DZIP1: variants seen among roughly 807,000 people sequenced by gnomAD.
The protein encoded by DZIP1 is cilium assembly protein DZIP1.
A neutral mutation model predicts 107.6 loss-of-function variants in DZIP1; 97 were observed. The ratio of observed to expected loss-of-function variants is 0.90; its 90% CI spans 0.77 to 1.07. The LOEUF is 1.07. Ranked by LOEUF, DZIP1 falls within the 50% of genes least tolerant of loss-of-function variation. The probability of loss-of-function intolerance (pLI) is 0.00; values close to 1 mark genes in which losing one functional copy is unlikely to be tolerated. For synonymous variants in DZIP1, 390 were observed against 386.4 expected, an observed-to-expected ratio of 1.01 and a Z score of -0.11; for missense variants, 1,035 against 1,063.6, an observed-to-expected ratio of 0.97 and a Z score of 0.37.
In DZIP1 at chr13:95,642,101, G is replaced by T. The variant is rs1360416112; in HGVS notation, c.-72C>A. ...CGCCGCCGCCACAGCCCTCAGGAGC[G>T]GGAGAAGGCCGGGTTCCTCGCTTCC... On this transcript the variant is annotated 5_prime_UTR_variant, in exon 4 of 23. Coordinates refer to ENST00000376829, the MANE Select transcript of DZIP1 (RefSeq NM_198968.4). 3 of 1,442,678 alleles carry T rather than the reference G, an allele frequency of 2.1e-6. No homozygotes were observed. Among genetic ancestry groups the T allele is most frequent in the Non-Finnish European group, 2.7e-6 (3 of 1,105,744 alleles). 89.4% of individuals were successfully genotyped at this position (1,442,678 alleles called of 1,614,324 possible). A position where few individuals can be genotyped will look rare whatever the true frequency, so the allele number is the denominator to read the frequency against.
chr13:95,608,158 T>C (rs2044842284), intron 13 of DZIP1, among the ~76,000 whole-genome samples: 1 of 152,216 alleles, frequency 6.6e-6, no homozygotes, highest in East Asian at 1.9e-4. Flanking sequence ...GCTATGGGCC[T>C]ATTTTTTTAA....
rs1462432838 is a variant in DZIP1 at position 95,633,287 on chromosome 13, G to A, written c.632C>T (p.Ala211Val). 6.2e-7 allele frequency: 1 copy of A among 1,614,050 alleles called. No individual in the cohort carries two copies. Among genetic ancestry groups the A allele is most frequent in the Admixed American group, 1.7e-5 (1 of 59,992 alleles). ...GCGTTGAATGTGACTTTGTAGAAAA[G>A]CTTGGTTCATAAAGGCCTTGTCACA... The part of the protein sequence containing the change: ...HFCDKAFMNQ[A>V]FLQSHIQRRH... The change falls in exon 6 of 23, where the codon GCT (alanine) becomes GTT (valine). Residue 211 changes from alanine to valine, a missense_variant. By Grantham distance (64) the Ala-to-Val change is moderately conservative. Coordinates refer to ENST00000376829, the MANE Select transcript of DZIP1 (RefSeq NM_198968.4).
chr13:95,597,667 T>C (rs540530419), intron 15 of DZIP1, among the ~76,000 whole-genome samples: 2 of 152,324 alleles, frequency 1.3e-5, no homozygotes, highest in South Asian at 4.1e-4. Context: ...TAGCCAGTGA[T>C]GGCGGCTCAG....
intron 22 of DZIP1, 56 bp downstream of exon 22, chr13:95,584,680 A>G (rs1180785096): frequency 2.6e-6 from 4 of 1,554,172 alleles, no homozygotes; most frequent in Non-Finnish European, 3.5e-6. Context: ...TATAAAGATG[A>G]AACACAACTA....
At chr13:95,607,643 C>T (rs1483288176) in intron 13 of DZIP1, among the ~76,000 whole-genome samples, 1 of 151,958 alleles carries the variant, frequency 6.6e-6, no homozygotes, top group Admixed American at 6.6e-5. Flanking sequence ...GCCTGTGAAG[C>T]CTAATGTAAA....
Position 95,581,457 on chromosome 13 carries a change from A to G in DZIP1, c.*777T>C, listed in dbSNP as rs1185462048. 1.3e-5 allele frequency: 2 copies of G among 152,484 alleles called. No individual in the cohort carries two copies. Among genetic ancestry groups the G allele is most frequent in the Non-Finnish European group, 2.9e-5 (2 of 68,048 alleles). The allele number at this position is 152,484 out of a possible 1,614,324, so 9.4% of individuals were successfully genotyped here. A position where few individuals can be genotyped will look rare whatever the true frequency, so the allele number is the denominator to read the frequency against. ...TTTATTCATAAAATATCCAAGATAA[A>G]GAATATGCTATATAAAATAACCAAC... is the stretch of plus-strand genomic sequence containing the variant. On this transcript the variant is annotated 3_prime_UTR_variant, in exon 23 of 23. Coordinates refer to ENST00000376829, the MANE Select transcript of DZIP1 (RefSeq NM_198968.4).
intron 13 of DZIP1, among the ~76,000 whole-genome samples, chr13:95,608,736 T>C (rs951601723): frequency 6.6e-6 from 1 of 152,138 alleles, no homozygotes; most frequent in Non-Finnish European, 1.5e-5. Context: ...CAGCCAATAG[T>C]GCCAAATTCC....
Position 95,603,306 on chromosome 13 carries a change from CAAAAAAAAAAAAAAAAAAA to C in DZIP1, c.1477+2678_1477+2696del, listed in dbSNP as rs34995131. 5.4e-4 allele frequency among the ~76,000 whole-genome samples: 26 copies of C among 47,966 alleles called. 1 individual carries two copies. The highest frequency in any genetic ancestry group is 4.4e-3 in the Admixed American group (12 of 2,756). The allele number at this position is 47,966 out of a possible 152,430, so 31.5% of individuals were successfully genotyped here. ...TGGGCGACAGAGAAATGCCCAGTCTCAAAAAAAAAAAAAAAAAAAAAAAAAAAAAGAGTTTCCAGTTTTT... is the reference window on the plus strand; with the variant it reads ...TGGGCGACAGAGAAATGCCCAGTCTCAAAAAAAAAAGAGTTTCCAGTTTTT... On this transcript the variant is annotated intron_variant, in intron 14 of 22. Transcript: ENST00000376829.
rs548351896 is a variant in DZIP1, at chr13:95,642,210, T to C, written c.-181A>G. 3 of 747,954 alleles carry C rather than the reference T, an allele frequency of 4.0e-6. No individual in the cohort carries two copies. Among genetic ancestry groups the C allele is most frequent in the East Asian group, 3.4e-5 (1 of 29,268 alleles). 46.3% of individuals were successfully genotyped at this position (747,954 alleles called of 1,614,324 possible). On this transcript the variant is annotated 5_prime_UTR_variant, in exon 4 of 23. Transcript: ENST00000376829. ...CCGGACCTGGAGCAAAGGGCGCGTC[T>C]GCCCGCGCAGGGTCAGCGTGCACCC...
intron 16 of DZIP1, among the ~76,000 whole-genome samples, chr13:95,591,609 C>A (rs2044314995): frequency 6.6e-6 from 1 of 152,080 alleles, no homozygotes; most frequent in African/African-American, 2.4e-5. Flanking sequence ...TTTCTCTGAC[C>A]TCAGTTATTC....
chr13:95,587,649 A>C lies in DZIP1; in HGVS notation c.2108T>G (p.Val703Gly). The part of the protein sequence containing the change: ...RAYASPGPLP[V>G]PPPQNKGSFG... ...GCTGCCCTTGTTTTGTGGTGGCGGC[A>C]CAGGAAGTGGGCCTGGGGATGCGTA... Residue 703 changes from valine to glycine, a missense_variant, in exon 20 of 23, where the codon GTG (valine) becomes GGG (glycine). By Grantham distance (109) the Val-to-Gly change is moderately radical (BLOSUM62 -3). Coordinates refer to ENST00000376829, the MANE Select transcript of DZIP1 (RefSeq NM_198968.4). 1 of 1,614,048 alleles carries C rather than the reference A, an allele frequency of 6.2e-7. No individual in the cohort carries two copies. Among genetic ancestry groups the C allele is most frequent in the Non-Finnish European group, 8.5e-7 (1 of 1,180,004 alleles).
intron 15 of DZIP1, among the ~76,000 whole-genome samples, chr13:95,597,620 G>A (rs1335892531): frequency 1.3e-5 from 2 of 152,228 alleles, no homozygotes; most frequent in African/African-American, 4.8e-5. Flanking sequence ...GGGCAAAAGA[G>A]TTGAGGGGGA....
chr13:95,635,560 C>T (rs140981310), intron 5 of DZIP1, among the ~76,000 whole-genome samples: 2,442 of 152,188 alleles, frequency 0.016, 37 homozygotes, highest in Middle Eastern at 0.034. Flanking sequence ...TTCAACCTCC[C>T]GGGCTCATGA....
intron 3 of DZIP1, 88 bp downstream of exon 3, chr13:95,642,955 A>AT (rs1455684799): frequency 6.6e-6 from 1 of 152,222 alleles, no homozygotes; most frequent in Non-Finnish European, 1.5e-5. Flanking sequence ...AAAAGGATAC[A>AT]TACTCAAAAT....
At chr13:95,594,217 T>C (rs2044383943) in intron 15 of DZIP1, 131 bp from the exon 16 acceptor site, 2 of 748,278 alleles carry the variant, frequency 2.7e-6, no homozygotes, top group Non-Finnish European at 4.2e-6. Flanking sequence ...AGTTTTTGGA[T>C]ATTTTAGTCA....
intron 22 of DZIP1, 149 bp downstream of exon 22, chr13:95,584,587 T>C: frequency 1.6e-5 from 23 of 1,409,950 alleles, no homozygotes; most frequent in Non-Finnish European, 2.1e-5. Flanking sequence ...GTTATGCATA[T>C]CCAATCCTTA....
At chr13:95,623,797 G>A (rs1026803876) in intron 8 of DZIP1, among the ~76,000 whole-genome samples, 3 of 152,050 alleles carry the variant, frequency 2.0e-5, no homozygotes, top group Non-Finnish European at 4.4e-5. Context: ...AAATTAGCTG[G>A]GTGTGGTGGC....
At chr13:95,629,821 G>C (rs377143312) in intron 7 of DZIP1, among the ~76,000 whole-genome samples, 168 bp downstream of exon 7, 1 of 152,174 alleles carries the variant, frequency 6.6e-6, no homozygotes. Context: ...TATATTTCCA[G>C]TGATGTGCTT....
Position 95,597,569 on chromosome 13 carries a change from C to T in DZIP1, c.1537+1796G>A, listed in dbSNP as rs185289887. On this transcript the variant is annotated intron_variant, in intron 15 of 22. Coordinates refer to ENST00000376829, the MANE Select transcript of DZIP1 (RefSeq NM_198968.4). ...CTATTTCTCTTCAACCTATAGGGCT[C>T]AGAAGCTTAAACGCCTACATAAAGC... Among the ~76,000 whole-genome samples, 45 of 152,296 alleles carry T rather than the reference C, an allele frequency of 3.0e-4. No individual in the cohort carries two copies. The East Asian group carries it at 7.3e-3, about 25-fold the overall frequency.
Sources: gnomAD v4.1 joint callset for allele counts (sites outside exome capture counted in the v4.1 genomes callset) on GRCh38, gnomAD v4.1.1 for gene constraint, MANE v1.5 for transcripts, NCBI Gene and HGNC (gene_info 2026-07-23, HGNC 2026-07-21) for gene names.